The following OCA2 variants were observed in gnomAD, a reference collection of about 807,000 sequenced individuals.
OCA2 encodes the protein P protein.
OCA2 carries 77 observed loss-of-function variants against 100.2 expected under a neutral mutation model. The ratio of observed to expected loss-of-function variants is 0.77; its 90% CI spans 0.64 to 0.93. The LOEUF (loss-of-function observed/expected upper bound fraction) is 0.93, where lower values mean the gene tolerates loss of function less well. OCA2 is among the 40% of genes least tolerant of loss of function. The pLI is 0.00. For synonymous variants in OCA2, 432 were observed against 439.2 expected (o/e 0.98, Z 0.21); for missense variants, 1,062 against 1,089.1 (o/e 0.98, Z 0.35).
intron 19 of OCA2, among the ~76,000 whole-genome samples, chr15:27,918,159 T>A (rs2038734984): frequency 6.8e-6 from 1 of 148,056 alleles, no homozygotes; most frequent in South Asian, 2.2e-4. Context: ...AGTGGCATGA[T>A]CTCGACTCAC....
chr15:28,039,786 A>G (rs1277414093), intron 2 of OCA2, among the ~76,000 whole-genome samples: 1 of 152,272 alleles, frequency 6.6e-6, no homozygotes, highest in South Asian at 2.1e-4. Context: ...TGTAATCCCA[A>G]TGCTTTGGGA....
chr15:28,001,177 T>A (rs2041913147), intron 9 of OCA2, among the ~76,000 whole-genome samples: 1 of 152,098 alleles, frequency 6.6e-6, no homozygotes, highest in Non-Finnish European at 1.5e-5. Context: ...GCAACCTTAT[T>A]CACAGTAGCC....
chr15:27,755,528 A>G (rs1443565981), intron 23 of OCA2, 56 bp from the exon 24 acceptor site: 1 of 1,315,826 alleles, frequency 7.6e-7, no homozygotes, highest in African/African-American at 1.4e-5. Context: ...ATCTCATGAG[A>G]TACGGACTCA....
At chr15:27,998,399 G>C (rs1468445480) in intron 9 of OCA2, among the ~76,000 whole-genome samples, 1 of 113,718 alleles carries the variant, frequency 8.8e-6, no homozygotes, top group African/African-American at 2.6e-5. Context: ...GATATGAACA[G>C]ACACTTCTCA....
the OCA2 span, among the ~76,000 whole-genome samples, chr15:27,736,380 C>T: frequency 6.6e-6 from 1 of 152,144 alleles, no homozygotes; most frequent in Non-Finnish European, 1.5e-5. Context: ...GGGGGAGGCA[C>T]CTAGGGCTTC....
chr15:27,750,180 C>T (rs1031752938), downstream of OCA2, among the ~76,000 whole-genome samples: 1 of 152,152 alleles, frequency 6.6e-6, no homozygotes, highest in Non-Finnish European at 1.5e-5. Flanking sequence ...TCCCTCAATA[C>T]CCATCATTTT....
At chr15:27,921,607 T>C (rs1191335497) in intron 19 of OCA2, among the ~76,000 whole-genome samples, 1 of 152,134 alleles carries the variant, frequency 6.6e-6, no homozygotes, top group African/African-American at 2.4e-5. Context: ...CGAAAATCCG[T>C]GTATAAATTT....
intron 9 of OCA2, among the ~76,000 whole-genome samples, chr15:28,012,374 G>A (rs1255507329): frequency 3.3e-5 from 5 of 152,042 alleles, no homozygotes; most frequent in African/African-American, 9.7e-5. Flanking sequence ...GCCAGGGAAC[G>A]GATGGGCTGC....
intron 18 of OCA2, among the ~76,000 whole-genome samples, chr15:27,945,799 A>G (rs1304239719): frequency 6.6e-6 from 1 of 152,188 alleles, no homozygotes; most frequent in Non-Finnish European, 1.5e-5. Flanking sequence ...AATCTGGGGT[A>G]CATTCTGAAC....
At chr15:28,025,374 A>G (rs1250985364) in intron 4 of OCA2, among the ~76,000 whole-genome samples, 2 of 152,212 alleles carry the variant, frequency 1.3e-5, no homozygotes, top group Admixed American at 1.3e-4. Flanking sequence ...TTGTACCAGC[A>G]GTCTGTTAAG....
rs867146292 is a variant in OCA2, at chr15:28,070,199, C to T, written c.227+11449G>A. Among the ~76,000 whole-genome samples, 93 of 130,900 alleles carry T rather than the reference C, an allele frequency of 7.1e-4. 1 individual carries two copies. In the South Asian group the frequency reaches 0.014, roughly 20 times the overall value. The allele number at this position is 130,900 out of a possible 152,430, so 85.9% of individuals were successfully genotyped here. On this transcript the variant is annotated intron_variant, in intron 2 of 23. Transcript: ENST00000354638. ...CCGTCTGAGAAGTGAGGAGCCCCTC[C>T]GCCCAGCAGCTGCCCCGTCTGAGAA...
rs113089488 is a variant in OCA2 at position 27,871,757 on chromosome 15, A to G, written c.2139+106T>C. 4,301 of 836,882 alleles carry G rather than the reference A, an allele frequency of 5.1e-3. 77 individuals are homozygous for G. Among genetic ancestry groups the G allele is most frequent in the African/African-American group, 0.05 (2,932 of 58,646 alleles). 51.8% of individuals were successfully genotyped at this position (836,882 alleles called of 1,614,324 possible). A position where few individuals can be genotyped will look rare whatever the true frequency, so the allele number is the denominator to read the frequency against. ...CAGGTTCCCTGCTGTGCCTTTTTAC[A>G]TAATTAATGGGACCTGTTCTTACCA... On this transcript the variant is annotated intron_variant, in intron 20 of 23. Transcript: ENST00000354638.
intron 6 of OCA2, 120 bp downstream of exon 6, chr15:28,022,381 A>G: frequency 1.9e-6 from 1 of 529,548 alleles, no homozygotes; most frequent in South Asian, 2.2e-5. Flanking sequence ...GAGAAACAAA[A>G]TTCGAGTGGT....
rs1184584452 is a variant in OCA2 at position 27,909,894 on chromosome 15, G to A, written c.2079+16233C>T. 2.0e-5 allele frequency among the ~76,000 whole-genome samples: 3 copies of A among 151,994 alleles called. No homozygotes were observed. The East Asian group carries it at 5.8e-4, about 29-fold the overall frequency. ...TACATAAAGTGTCTTAAAATTACAT[G>A]ACCAAAATAAACAAAGACACACTAT... On this transcript the variant is annotated intron_variant, in intron 19 of 23. Transcript: ENST00000354638.
chr15:28,033,191 A>T (rs1242677740), intron 2 of OCA2, among the ~76,000 whole-genome samples: 1 of 152,246 alleles, frequency 6.6e-6, no homozygotes, highest in Non-Finnish European at 1.5e-5. Context: ...TGATGTTAAA[A>T]GACAACCAGC....
At chr15:28,051,809 T>C (rs1282155618) in intron 2 of OCA2, among the ~76,000 whole-genome samples, 1 of 151,966 alleles carries the variant, frequency 6.6e-6, no homozygotes, top group Non-Finnish European at 1.5e-5. Context: ...CACTGGTTGA[T>C]TGGGTCAGAT....
In OCA2 at chr15:28,083,270, C is replaced by T. The variant is rs756174734; in HGVS notation, c.-21-1375G>A. ...TAAGCCAAGCACTGACAGCCCCAGA[C>T]GCACACTTCCTGGTGGAGCCAGAAC... On this transcript the variant is annotated intron_variant, in intron 1 of 23. Transcript: ENST00000354638. Among the ~76,000 whole-genome samples the T allele has an allele frequency of 5.9e-5, 9 of 152,294 alleles. No homozygotes were observed. The South Asian group carries it at 1.0e-3, about 18-fold the overall frequency.
intron 9 of OCA2, among the ~76,000 whole-genome samples, chr15:28,007,580 A>T (rs1488409804): frequency 6.6e-6 from 1 of 152,130 alleles, no homozygotes; most frequent in Non-Finnish European, 1.5e-5. Context: ...GATACAAAAA[A>T]TTAGCCGGGG....
intron 2 of OCA2, among the ~76,000 whole-genome samples, chr15:28,078,736 C>A (rs1024510505): frequency 1.3e-5 from 2 of 152,174 alleles, no homozygotes; most frequent in Non-Finnish European, 2.9e-5. Flanking sequence ...GCCCAGATTT[C>A]TGACCCATGA....
Sources: allele counts gnomAD v4.1 joint callset (sites outside exome capture counted in the v4.1 genomes callset), GRCh38; gene constraint gnomAD v4.1.1; transcripts MANE v1.5; gene names NCBI Gene and HGNC (gene_info 2026-07-23, HGNC 2026-07-21).